The following PRDM16 variants were observed in gnomAD, a reference collection of about 807,000 sequenced individuals.
PRDM16 encodes the protein PR/SET domain 16.
A neutral mutation model predicts 110.6 loss-of-function variants in PRDM16; 23 were observed. That is an observed-to-expected ratio of 0.21 (90% CI 0.15 to 0.29). The LOEUF (loss-of-function observed/expected upper bound fraction) is 0.29, where lower values mean the gene tolerates loss of function less well. Among genes scored for constraint, PRDM16 ranks in the 10% least tolerant of loss-of-function variants. The pLI is 1.00. For synonymous variants in PRDM16, 799 were observed against 781.8 expected (o/e 1.02, Z -0.37); for missense variants, 1,615 against 1,794.3 (o/e 0.90, Z 1.81).
At chr1:3,212,579 G>A (rs1319192194) in intron 2 of PRDM16, among the ~76,000 whole-genome samples, 4 of 148,526 alleles carry the variant, frequency 2.7e-5, no homozygotes, top group African/African-American at 1.0e-4. Flanking sequence ...TTTGAAGGTG[G>A]AATGGAGGCC....
At chr1:3,365,448 C>T (rs550445794) in intron 3 of PRDM16, among the ~76,000 whole-genome samples, 2 of 152,342 alleles carry the variant, frequency 1.3e-5, no homozygotes, top group South Asian at 4.1e-4. Context: ...AATACAAGTG[C>T]TCCCTCCCGC....
Position 3,353,617 on chromosome 1 carries a change from C to A in PRDM16, c.439-31535C>A, listed in dbSNP as rs1184059091. Among the ~76,000 whole-genome samples the A allele has an allele frequency of 6.6e-6, 1 of 152,216 alleles. No individual in the cohort carries two copies. The highest frequency in any genetic ancestry group is 1.5e-5 in the Non-Finnish European group (1 of 68,024). On this transcript the variant is annotated intron_variant, in intron 3 of 16. Coordinates refer to ENST00000270722, the MANE Select transcript of PRDM16 (RefSeq NM_022114.4). The surrounding 1 kb of genome is among the most constrained non-coding windows in gnomAD (Gnocchi z 5.4). ...GGATGAGTCCAGCCCCGCAGTGTGA[C>A]CGGCAGTTGGCAAACCATTGACTCA...
chr1:3,088,683 G>A (rs1479859065), intron 1 of PRDM16, among the ~76,000 whole-genome samples: 1 of 151,244 alleles, frequency 6.6e-6, no homozygotes, highest in Non-Finnish European at 1.5e-5. Context: ...AGCCAGGATG[G>A]TCTCTATCTC....
chr1:3,114,153 GCA>G lies in PRDM16; in HGVS notation c.37+44867_37+44868del, dbSNP rs749731166. Among the ~76,000 whole-genome samples the G allele has an allele frequency of 6.1e-3, 867 of 142,564 alleles. 7 individuals carry two copies. Among genetic ancestry groups the G allele is most frequent in the African/African-American group, 0.02 (757 of 38,552 alleles). The allele number at this position is 142,564 out of a possible 152,430, so 93.5% of individuals were successfully genotyped here. ...GTGTATCTCTGCACACTGCACACACGCACACACACACGCACACACACGCACAC... is the reference window on the plus strand; with the variant it reads ...GTGTATCTCTGCACACTGCACACACGCACACACACGCACACACACGCACAC... On this transcript the variant is annotated intron_variant, in intron 1 of 16. Transcript: ENST00000270722.
At chr1:3,166,935 A>G (rs2100752771) in intron 1 of PRDM16, among the ~76,000 whole-genome samples, 1 of 152,296 alleles carries the variant, frequency 6.6e-6, no homozygotes, top group East Asian at 1.9e-4. Context: ...AGATGCTGCT[A>G]CAAGGCCCAG....
At position 3,358,680 on chromosome 1, in the gene PRDM16, C is replaced by T. The variant is rs1464166011; in HGVS notation, c.439-26472C>T. 3.9e-5 allele frequency among the ~76,000 whole-genome samples: 6 copies of T among 152,152 alleles called. No homozygotes were observed. Among genetic ancestry groups the T allele is most frequent in the African/African-American group, 9.7e-5 (4 of 41,442 alleles). On this transcript the variant is annotated intron_variant, in intron 3 of 16. Coordinates refer to ENST00000270722, the MANE Select transcript of PRDM16 (RefSeq NM_022114.4). The surrounding 1 kb of genome is among the most constrained non-coding windows in gnomAD (Gnocchi z 4.0). ...GACCATCCTTCCCAGAGCAGCAGGC[C>T]GGCTGGGGCTCCCGTGAACAAATAT... is the stretch of plus-strand genomic sequence containing the variant.
intron 1 of PRDM16, among the ~76,000 whole-genome samples, chr1:3,165,826 TGGGCTCAGGGACAGGGACTCACCA>T (rs1430265529): frequency 8.5e-5 from 6 of 70,532 alleles, no homozygotes. Context: ...GGGACTCACC[TGGGCTCAGGGACAGGGACTCACCA>T]GGGCTCAGGG....
chr1:3,365,168 C>T (rs897227046), intron 3 of PRDM16, among the ~76,000 whole-genome samples: 2 of 152,190 alleles, frequency 1.3e-5, no homozygotes, highest in Non-Finnish European at 2.9e-5. Flanking sequence ...CATGGCCCCC[C>T]GCCTGGAGCT....
chr1:3,415,244 T>A (rs774616650), intron 10 of PRDM16, among the ~76,000 whole-genome samples: 2 of 152,136 alleles, frequency 1.3e-5, no homozygotes, highest in African/African-American at 2.4e-5. Flanking sequence ...AAATAGCAGG[T>A]GGGCAGCATG....
rs1395740533 is a variant in PRDM16 at position 3,240,052 on chromosome 1, GGAGAAGAGGA to G, written c.388-4031_388-4022del. Among the ~76,000 whole-genome samples the G allele has an allele frequency of 8.8e-4, 77 of 87,686 alleles. 1 individual carries two copies. The highest frequency in any genetic ancestry group is 3.9e-3 in the African/African-American group (66 of 17,036). The allele number at this position is 87,686 out of a possible 152,430, so 57.5% of individuals were successfully genotyped here. A position where few individuals can be genotyped will look rare whatever the true frequency, so the allele number is the denominator to read the frequency against. On this transcript the variant is annotated intron_variant, in intron 2 of 16. Coordinates refer to ENST00000270722, the MANE Select transcript of PRDM16 (RefSeq NM_022114.4). The stretch of plus-strand genomic sequence containing the variant: ...GAGGAGAGGAGAAGAGGAGAGGAGA[GGAGAAGAGGA>G]GAGGAGAGGAGAGGAGAGGAGAGGA...
At position 3,383,917 on chromosome 1, in the gene PRDM16, A is replaced by G. The variant is rs897749524; in HGVS notation, c.439-1235A>G. On this transcript the variant is annotated intron_variant, in intron 3 of 16. Transcript: ENST00000270722. ...CCCACCAGGACACACCTGCAGAAGGACACACCTGCCCAAGGACACACTTGC... is the reference window on the plus strand; with the variant it reads ...CCCACCAGGACACACCTGCAGAAGGGCACACCTGCCCAAGGACACACTTGC... Among the ~76,000 whole-genome samples the G allele has an allele frequency of 5.9e-5, 9 of 151,660 alleles. No homozygotes were observed. The East Asian group carries it at 1.8e-3, about 30-fold the overall frequency.
At chr1:3,199,830 C>T (rs539806121) in intron 2 of PRDM16, among the ~76,000 whole-genome samples, 4 of 152,320 alleles carry the variant, frequency 2.6e-5, no homozygotes, top group South Asian at 4.1e-4. Context: ...GCTGTCTTCC[C>T]GGAGAGACCA....
At position 3,414,652 on chromosome 1, in the gene PRDM16, G is replaced by C. The variant is rs375994227; in HGVS notation, c.2691+5G>C. 1.2e-6 allele frequency: 2 copies of C among 1,611,214 alleles called. No individual in the cohort carries two copies. Among genetic ancestry groups the C allele is most frequent in the Non-Finnish European group, 8.5e-7 (1 of 1,178,500 alleles). ...CCGCTGCTCTTCCACCCCCAGGTAC[G>C]TCCTCAGTGCAGGTCAGGGCGCCCT... On this transcript the variant is annotated splice_donor_5th_base_variant and intron_variant, in intron 10 of 16. Transcript: ENST00000270722.
At chr1:3,419,432 T>G (rs948541215) in intron 12 of PRDM16, among the ~76,000 whole-genome samples, 2 of 152,156 alleles carry the variant, frequency 1.3e-5, no homozygotes, top group Non-Finnish European at 2.9e-5. Context: ...AGGCTTGTCA[T>G]CCCATTTCAA....
intron 1 of PRDM16, among the ~76,000 whole-genome samples, chr1:3,097,415 G>A (rs543924958): frequency 1.2e-4 from 19 of 152,344 alleles, no homozygotes; most frequent in Admixed American, 7.2e-4. Context: ...CATAACAACA[G>A]TGGCCAGGCT....
At chr1:3,327,999 G>A (rs1641955320) in intron 3 of PRDM16, among the ~76,000 whole-genome samples, 1 of 152,250 alleles carries the variant, frequency 6.6e-6, no homozygotes, top group Non-Finnish European at 1.5e-5. Flanking sequence ...GACCCCTTGG[G>A]AAAAGGAGCA....
chr1:3,389,949 G>GCCCCCCCCCCCCCCCCCCCC (rs70938087), intron 4 of PRDM16, among the ~76,000 whole-genome samples: 3 of 106,948 alleles, frequency 2.8e-5, no homozygotes, highest in Non-Finnish European at 4.0e-5. Flanking sequence ...CTGGGGGTGC[G>GCCCCCCCCCCCCCCCCCCCC]CCCCCCCCCC....
At position 3,349,800 on chromosome 1, in the gene PRDM16, C is replaced by G. The variant is rs1213581898; in HGVS notation, c.439-35352C>G. Among the ~76,000 whole-genome samples, 2 of 152,240 alleles carry G rather than the reference C, an allele frequency of 1.3e-5. 1 individual carries two copies. The highest frequency in any genetic ancestry group is 1.3e-4 in the Admixed American group (2 of 15,282). The stretch of plus-strand genomic sequence containing the variant: ...AGTGTTCACAGAGGCCTGAGCTCTG[C>G]TGGCCACGGTGCTGGGCTTGGGGAT... On this transcript the variant is annotated intron_variant, in intron 3 of 16. Coordinates refer to ENST00000270722, the MANE Select transcript of PRDM16 (RefSeq NM_022114.4).
At chr1:3,418,911 C>T (rs951936490) in intron 12 of PRDM16, among the ~76,000 whole-genome samples, 167 bp downstream of exon 12, 1 of 152,152 alleles carries the variant, frequency 6.6e-6, no homozygotes, top group Non-Finnish European at 1.5e-5. Context: ...CCCCTCCTGG[C>T]CTCAGCAGGA....
Sources: gnomAD v4.1 joint callset for allele counts (sites outside exome capture counted in the v4.1 genomes callset) on GRCh38, gnomAD v4.1.1 for gene constraint, Gnocchi (gnomAD v3.1) non-coding constraint, MANE v1.5 for transcripts, NCBI Gene and HGNC (gene_info 2026-07-23, HGNC 2026-07-21) for gene names.